The following DENND1A variants were observed in gnomAD, a reference collection of about 807,000 sequenced individuals.
DENND1A encodes DENN domain-containing protein 1A.
DENND1A carries 51 observed loss-of-function variants against 113.7 expected under a neutral mutation model. The ratio of observed to expected loss-of-function variants is 0.45; its 90% CI spans 0.36 to 0.57. The LOEUF (loss-of-function observed/expected upper bound fraction) is 0.57, where lower values mean the gene tolerates loss of function less well. DENND1A is among the 20% of genes least tolerant of loss of function. The pLI is 0.00. For missense variants in DENND1A, 1,258 were observed against 1,395.9 expected (o/e 0.90, Z 1.57); for synonymous variants, 565 against 570.8 (o/e 0.99, Z 0.14).
intron 1 of DENND1A, among the ~76,000 whole-genome samples, chr9:123,900,428 C>G (rs531014965): frequency 6.6e-6 from 1 of 152,308 alleles, no homozygotes; most frequent in South Asian, 2.1e-4. Flanking sequence ...TCAAAGAACA[C>G]TAACAGCCAG....
intron 11 of DENND1A, among the ~76,000 whole-genome samples, chr9:123,592,723 T>C (rs892210197): frequency 6.6e-6 from 1 of 152,184 alleles, no homozygotes; most frequent in Non-Finnish European, 1.5e-5. Flanking sequence ...CAGGCTGGAC[T>C]TGAACTCCTG....
intron 9 of DENND1A, among the ~76,000 whole-genome samples, chr9:123,651,344 G>A (rs1410749334): frequency 6.6e-6 from 1 of 152,224 alleles, no homozygotes; most frequent in Admixed American, 6.5e-5. Context: ...AAATACCATA[G>A]CACATCTACT....
At chr9:123,753,578 G>A (rs565382681) in intron 5 of DENND1A, among the ~76,000 whole-genome samples, 2 of 152,228 alleles carry the variant, frequency 1.3e-5, no homozygotes, top group Admixed American at 6.5e-5. Flanking sequence ...CTGAATTTAC[G>A]TCCCATGACA....
chr9:123,679,253 T>A lies in DENND1A; in HGVS notation c.303-2464A>T, dbSNP rs190729966. On this transcript the variant is annotated intron_variant, in intron 5 of 23. Transcript: ENST00000394215. The stretch of plus-strand genomic sequence containing the variant: ...GGACTACAGAATCCATCGAAGTAGT[T>A]TTGGATGAGTAGGTTCAACTGACCA... 4.4e-3 allele frequency among the ~76,000 whole-genome samples: 670 copies of A among 152,266 alleles called. 5 individuals carry two copies. The highest frequency in any genetic ancestry group is 4.8e-3 in the Non-Finnish European group (326 of 68,014).
intron 12 of DENND1A, among the ~76,000 whole-genome samples, chr9:123,562,616 G>A (rs975790273): frequency 6.6e-6 from 1 of 152,088 alleles, no homozygotes; most frequent in African/African-American, 2.4e-5. Flanking sequence ...AACCATGCAA[G>A]GATGCTTTCA....
chr9:123,391,431 G>A (rs1339732620), intron 21 of DENND1A, among the ~76,000 whole-genome samples: 1 of 152,202 alleles, frequency 6.6e-6, no homozygotes, highest in African/African-American at 2.4e-5. Flanking sequence ...CCATTTTGCA[G>A]ACAAAGTAGC....
chr9:123,536,433 C>G (rs2055776423), intron 13 of DENND1A, among the ~76,000 whole-genome samples: 1 of 149,890 alleles, frequency 6.7e-6, no homozygotes, highest in Admixed American at 6.6e-5. Context: ...TTATATCACT[C>G]CAGCCTGGGC....
intron 13 of DENND1A, among the ~76,000 whole-genome samples, chr9:123,510,365 T>C (rs1019137688): frequency 6.6e-6 from 1 of 152,238 alleles, no homozygotes; most frequent in African/African-American, 2.4e-5. Context: ...CACAATAGAA[T>C]GATCAGTGTG....
intron 5 of DENND1A, among the ~76,000 whole-genome samples, chr9:123,747,483 A>C (rs1365004772): frequency 6.6e-6 from 1 of 152,162 alleles, no homozygotes; most frequent in African/African-American, 2.4e-5. Flanking sequence ...GTAGTTTAAG[A>C]CTTGTGGATT....
chr9:123,853,815 T>TA (rs1843743728), intron 2 of DENND1A, among the ~76,000 whole-genome samples: 2 of 152,300 alleles, frequency 1.3e-5, no homozygotes, highest in South Asian at 2.1e-4. Flanking sequence ...GGGCAATACT[T>TA]AGAGACATCT....
chr9:123,624,084 C>T (rs529129403), intron 10 of DENND1A, among the ~76,000 whole-genome samples: 13 of 152,304 alleles, frequency 8.5e-5, no homozygotes, highest in Admixed American at 2.0e-4. Flanking sequence ...GACTAGAAAC[C>T]GCCCTTCCTG....
At chr9:123,434,879 C>T (rs1480683785) in intron 19 of DENND1A, among the ~76,000 whole-genome samples, 1 of 152,168 alleles carries the variant, frequency 6.6e-6, no homozygotes, top group African/African-American at 2.4e-5. Context: ...CACATGGGGA[C>T]TACAGGGAGT....
At chr9:123,763,096 C>T (rs1230277766) in intron 4 of DENND1A, among the ~76,000 whole-genome samples, 48 of 145,450 alleles carry the variant, frequency 3.3e-4, no homozygotes, top group African/African-American at 9.9e-4. Context: ...TTTTTTTTGG[C>T]GGTGGGGGGA....
intron 21 of DENND1A, among the ~76,000 whole-genome samples, chr9:123,388,376 G>A (rs1322339894): frequency 6.6e-6 from 1 of 152,162 alleles, no homozygotes; most frequent in Non-Finnish European, 1.5e-5. Flanking sequence ...AACAGCCAGT[G>A]GAATCATGGG....
Position 123,609,575 on chromosome 9 carries a change from T to C in DENND1A, c.720-94A>G. 3 of 1,399,716 alleles carry C rather than the reference T, an allele frequency of 2.1e-6. No homozygotes were observed. In the Admixed American group the frequency reaches 6.1e-5, roughly 28 times the overall value. The allele number at this position is 1,399,716 out of a possible 1,614,324, so 86.7% of individuals were successfully genotyped here. ...TTCACTATTTGGAGAAAAACTGTTT[T>C]AATAAACGTATGCATAGTTACATTT... is the stretch of plus-strand genomic sequence containing the variant. On this transcript the variant is annotated intron_variant, in intron 10 of 23. Transcript: ENST00000394215.
At chr9:123,385,331 T>G (rs2042503509) in intron 22 of DENND1A, among the ~76,000 whole-genome samples, 1 of 152,130 alleles carries the variant, frequency 6.6e-6, no homozygotes, top group Non-Finnish European at 1.5e-5. Flanking sequence ...GCCTGGCTAA[T>G]TTTTTGTATT....
intron 13 of DENND1A, among the ~76,000 whole-genome samples, chr9:123,552,686 C>T (rs1041305711): frequency 6.6e-6 from 1 of 152,242 alleles, no homozygotes; most frequent in African/African-American, 2.4e-5. Flanking sequence ...TGGCCTTCTA[C>T]CCTGCAGGCT....
At chr9:123,460,166 G>GA (rs1003771852) in intron 13 of DENND1A, among the ~76,000 whole-genome samples, 3 of 152,248 alleles carry the variant, frequency 2.0e-5, no homozygotes, top group African/African-American at 4.8e-5. Context: ...TTGTGTACGA[G>GA]AAAAAAACCC....
intron 1 of DENND1A, among the ~76,000 whole-genome samples, chr9:123,882,385 A>G (rs1848446433): frequency 6.6e-6 from 1 of 151,810 alleles, no homozygotes; most frequent in African/African-American, 2.4e-5. Flanking sequence ...AACATATCAT[A>G]TTTTTCTCCC....
Sources: gnomAD v4.1 joint callset for allele counts (sites outside exome capture counted in the v4.1 genomes callset) on GRCh38, gnomAD v4.1.1 for gene constraint, MANE v1.5 for transcripts, NCBI Gene and HGNC (gene_info 2026-07-23, HGNC 2026-07-21) for gene names.